Variants in SDK1 observed in about 807,000 individuals in gnomAD.
SDK1 encodes protein sidekick-1.
A neutral mutation model predicts 245.5 loss-of-function variants in SDK1; 157 were observed. The ratio of observed to expected loss-of-function variants is 0.64; its 90% confidence interval spans 0.56 to 0.73. The LOEUF is 0.73. Among genes scored for constraint, SDK1 ranks in the 30% least tolerant of loss-of-function variants. SDK1 has a pLI of 0.00. For synonymous variants in SDK1, 1,647 were observed against 1,278.5 expected, an observed-to-expected ratio of 1.29 and a Z score of -6.15; for missense variants, 3,583 against 3,002.3, an observed-to-expected ratio of 1.19 and a Z score of -4.52.
intron 17 of SDK1, among the ~76,000 whole-genome samples, chr7:4,031,640 G>A (rs898822140): frequency 1.8e-4 from 27 of 152,148 alleles, no homozygotes; most frequent in African/African-American, 6.0e-4. Context: ...TGTAGATATA[G>A]CAACTATCTA....
chr7:3,915,528 C>T (rs1450131279), intron 5 of SDK1, among the ~76,000 whole-genome samples: 3 of 152,184 alleles, frequency 2.0e-5, no homozygotes, highest in Non-Finnish European at 4.4e-5. Flanking sequence ...TGTTTCCCAC[C>T]TCCATGTAAG....
chr7:3,542,259 C>T (rs1311465793), intron 1 of SDK1, among the ~76,000 whole-genome samples: 1 of 152,168 alleles, frequency 6.6e-6, no homozygotes, highest in Non-Finnish European at 1.5e-5. Flanking sequence ...ACCCTGAAAT[C>T]TAGCGACTGT....
At chr7:3,821,672 A>G (rs975066195) in intron 5 of SDK1, 89 bp downstream of exon 5, 6 of 1,429,756 alleles carry the variant, frequency 4.2e-6, no homozygotes, top group Non-Finnish European at 5.7e-6. Context: ...ATTTTGCAAT[A>G]AATTTTCTCT....
At chr7:3,714,515 C>A (rs555937201) in intron 4 of SDK1, among the ~76,000 whole-genome samples, 1 of 152,180 alleles carries the variant, frequency 6.6e-6, no homozygotes, top group Non-Finnish European at 1.5e-5. Flanking sequence ...CATTTCACAT[C>A]AGTCCTTTAA....
chr7:3,572,064 G>A (rs1001124309), intron 1 of SDK1, among the ~76,000 whole-genome samples: 4 of 152,008 alleles, frequency 2.6e-5, no homozygotes, highest in African/African-American at 9.7e-5. Context: ...TCAGTGAAAG[G>A]ACACCCTTTA....
In SDK1 at chr7:3,495,279, G is replaced by A. The variant is rs1169187325; in HGVS notation, c.299-123801G>A. 1.2e-4 allele frequency among the ~76,000 whole-genome samples: 11 copies of A among 91,594 alleles called. No homozygotes were observed. In the East Asian group the frequency reaches 3.4e-3, roughly 28 times the overall value. The allele number at this position is 91,594 out of a possible 152,430, so 60.1% of individuals were successfully genotyped here. A position where few individuals can be genotyped will look rare whatever the true frequency, so the allele number is the denominator to read the frequency against. On this transcript the variant is annotated intron_variant, in intron 1 of 44. Transcript: ENST00000404826. ...TTTTTTTTTTTTTTTTTTTTTTGAA[G>A]CGGAGTCTCGCTCTGCCACCCAGGC...
Position 4,026,563 on chromosome 7 carries a change from C to T in SDK1, c.2602+9211C>T, listed in dbSNP as rs1452001369. 1.3e-5 allele frequency among the ~76,000 whole-genome samples: 2 copies of T among 152,106 alleles called. No individual in the cohort carries two copies. Among genetic ancestry groups the T allele is most frequent in the Admixed American group, 6.5e-5 (1 of 15,278 alleles). ...TGGCCCCAAATGCTTCTCTTCAATG[C>T]CTGGCAAGTAAAGATTTGGAAAAAA... On this transcript the variant is annotated intron_variant, in intron 17 of 44. Transcript: ENST00000404826. This position sits in a 1 kb window ranked among gnomAD's most constrained non-coding sequence, Gnocchi z 4.1.
chr7:3,488,681 T>G lies in SDK1; in HGVS notation c.299-130399T>G, dbSNP rs543625526. On this transcript the variant is annotated intron_variant, in intron 1 of 44. Transcript: ENST00000404826. The stretch of plus-strand genomic sequence containing the variant: ...AAAATGGCTTGAATAGAAAGAACAT[T>G]TATTATCTACATAAGAAGTCCTGGA... Among the ~76,000 whole-genome samples, 10 of 152,312 alleles carry G rather than the reference T, an allele frequency of 6.6e-5. No individual in the cohort carries two copies. The South Asian group carries it at 2.1e-3, about 32-fold the overall frequency.
chr7:3,651,637 G>A (rs1176750394), intron 4 of SDK1, among the ~76,000 whole-genome samples: 2 of 151,530 alleles, frequency 1.3e-5, no homozygotes, highest in Non-Finnish European at 1.5e-5. Context: ...ATGCTATGAC[G>A]TTTCCTAAGA....
chr7:3,964,122 T>G (rs142325815), intron 9 of SDK1, among the ~76,000 whole-genome samples: 229 of 152,330 alleles, frequency 1.5e-3, no homozygotes, highest in African/African-American at 5.3e-3. Context: ...ATTTGCTCCA[T>G]GTACTACACA....
intron 1 of SDK1, among the ~76,000 whole-genome samples, chr7:3,479,444 A>AAG (rs1781445026): frequency 7.2e-6 from 1 of 138,526 alleles, no homozygotes; most frequent in Admixed American, 7.3e-5. Flanking sequence ...AAAAAAAAAA[A>AAG]GAATATCTAT....
chr7:3,308,832 G>C (rs1779482330), intron 1 of SDK1, among the ~76,000 whole-genome samples: 1 of 152,054 alleles, frequency 6.6e-6, no homozygotes, highest in Non-Finnish European at 1.5e-5. Flanking sequence ...GGGGTTGGAA[G>C]CTCTCAAGTG....
chr7:4,209,992 C>T, intron 37 of SDK1, 33 bp from the exon 38 acceptor site: 1 of 1,527,052 alleles, frequency 6.5e-7, no homozygotes, highest in Non-Finnish European at 8.8e-7. Flanking sequence ...GTAGGAGCCC[C>T]TGTAAAAGTC....
At chr7:3,509,292 T>C (rs181901633) in intron 1 of SDK1, among the ~76,000 whole-genome samples, 1 of 152,292 alleles carries the variant, frequency 6.6e-6, no homozygotes, top group Admixed American at 6.5e-5. Context: ...ATTTCTAATA[T>C]TCATGATAGG....
intron 1 of SDK1, among the ~76,000 whole-genome samples, chr7:3,495,813 G>A (rs1483055373): frequency 6.6e-6 from 1 of 152,186 alleles, no homozygotes; most frequent in Non-Finnish European, 1.5e-5. Flanking sequence ...TGCACGAGCT[G>A]GTCCCGTGGC....
chr7:4,083,016 G>A (rs1217003002), intron 22 of SDK1, among the ~76,000 whole-genome samples: 1 of 152,010 alleles, frequency 6.6e-6, no homozygotes, highest in East Asian at 1.9e-4. Context: ...ATAAAAGTAG[G>A]ATTCACGCAG....
intron 17 of SDK1, among the ~76,000 whole-genome samples, chr7:4,044,374 C>T (rs554391014): frequency 2.0e-5 from 3 of 152,306 alleles, no homozygotes; most frequent in South Asian, 4.1e-4. Context: ...AGTCTCAGAG[C>T]CTACATTGAA....
chr7:3,512,805 A>T (rs1782624869), intron 1 of SDK1, among the ~76,000 whole-genome samples: 1 of 151,950 alleles, frequency 6.6e-6, no homozygotes, highest in Non-Finnish European at 1.5e-5. Flanking sequence ...TAAATATTCC[A>T]TCTGTTTTTT....
intron 2 of SDK1, among the ~76,000 whole-genome samples, chr7:3,629,474 G>C (rs1407294647): frequency 6.6e-6 from 1 of 152,142 alleles, no homozygotes; most frequent in African/African-American, 2.4e-5. Flanking sequence ...AGAGGCAATA[G>C]TTCCCTGTGC....
Sources: gnomAD v4.1 joint callset for allele counts (sites outside exome capture counted in the v4.1 genomes callset) on GRCh38, gnomAD v4.1.1 for gene constraint, Gnocchi (gnomAD v3.1) non-coding constraint, MANE v1.5 for transcripts, NCBI Gene and HGNC (gene_info 2026-07-23, HGNC 2026-07-21) for gene names.